Variants in TCF20 observed in about 807,000 individuals in gnomAD.
TCF20 encodes SPRE-binding protein.
Under a neutral mutation model 148.6 loss-of-function variants are expected in TCF20, and 3 were observed. The observed-to-expected ratio is 0.02, with a 90% CI of 0.01 to 0.05. The LOEUF is 0.05. Ranked by LOEUF, TCF20 falls within the 10% of genes least tolerant of loss-of-function variation. The probability of loss-of-function intolerance (pLI) is 1.00; values close to 1 mark genes in which losing one functional copy is unlikely to be tolerated. For missense variants in TCF20, 2,350 were observed against 2,429.3 expected (o/e 0.97, Z 0.69); for synonymous variants, 1,049 against 909.5 (o/e 1.15, Z -2.76).
At chr22:42,252,704 G>A (rs6002661) in intron 1 of TCF20, among the ~76,000 whole-genome samples, 526 of 152,158 alleles carry the variant, frequency 3.5e-3, no homozygotes, top group African/African-American at 0.012. Flanking sequence ...TGCTCACCTC[G>A]GCCTCCCAAA....
In TCF20 at chr22:42,165,557, T is replaced by C. The variant is rs1415181043; in HGVS notation, c.*44+3052A>G. On this transcript the variant is annotated intron_variant, in intron 5 of 5. Transcript: ENST00000677622. ...AACCACGGGCCTGCAGAAGGACTTTTCCCCTCCGCACTCCTGGCGAGGGTC... is the reference window on the plus strand; with the variant it reads ...AACCACGGGCCTGCAGAAGGACTTTCCCCCTCCGCACTCCTGGCGAGGGTC... 5.3e-5 allele frequency among the ~76,000 whole-genome samples: 8 copies of C among 152,306 alleles called. No homozygotes were observed. In the East Asian group the frequency reaches 5.8e-4, roughly 11 times the overall value.
chr22:42,215,849 CAAG>C (rs1171798735), intron 1 of TCF20, among the ~76,000 whole-genome samples: 1 of 151,952 alleles, frequency 6.6e-6, no homozygotes, highest in Admixed American at 6.6e-5. Context: ...AAGAGTGAGG[CAAG>C]AATCTGTAGT....
chr22:42,270,797 T>C (rs1277159699), upstream of TCF20, among the ~76,000 whole-genome samples: 4 of 144,932 alleles, frequency 2.8e-5, no homozygotes, highest in Non-Finnish European at 6.1e-5. Flanking sequence ...CCCACCCGCG[T>C]GCGGCGGCGT....
At chr22:42,323,925 T>TATGGTG (rs1295030765) in intron 1 of TCF20, among the ~76,000 whole-genome samples, 6 of 11,756 alleles carry the variant, frequency 5.1e-4, no homozygotes, top group Non-Finnish European at 9.1e-4. Flanking sequence ...TGATGGAGGT[T>TATGGTG]ATGGTGGTGG....
chr22:42,195,524 G>C (rs1018206674), intron 2 of TCF20, among the ~76,000 whole-genome samples: 1 of 146,918 alleles, frequency 6.8e-6, no homozygotes, highest in African/African-American at 2.5e-5. Context: ...TTTTGAGATG[G>C]AGTTTCGCTC....
intron 1 of TCF20, among the ~76,000 whole-genome samples, chr22:42,252,270 G>C (rs183940355): frequency 6.8e-6 from 1 of 146,726 alleles, no homozygotes. Context: ...GCGACAGAAC[G>C]AAAGTCCATC....
rs539061457 is a variant in TCF20 at position 42,199,765 on chromosome 22, G to C, written c.5655+9886C>G. Among the ~76,000 whole-genome samples the C allele has an allele frequency of 6.5e-5, 9 of 138,034 alleles. No individual in the cohort carries two copies. In the Admixed American group the frequency reaches 6.8e-4, roughly 10 times the overall value. The allele number at this position is 138,034 out of a possible 152,430, so 90.6% of individuals were successfully genotyped here. On this transcript the variant is annotated intron_variant, in intron 2 of 5. Coordinates refer to ENST00000677622, the MANE Select transcript of TCF20 (RefSeq NM_001378418.1). ...AGCCAGATGTGGTGACAGGAGAATCGCTTGAACCTGGGAGGCAGAGGTTGC... is the reference window on the plus strand; with the variant it reads ...AGCCAGATGTGGTGACAGGAGAATCCCTTGAACCTGGGAGGCAGAGGTTGC...
chr22:42,225,157 G>A (rs189227482), intron 1 of TCF20, among the ~76,000 whole-genome samples: 135 of 151,886 alleles, frequency 8.9e-4, no homozygotes, highest in African/African-American at 3.1e-3. Context: ...CACCACGTCC[G>A]GCTAATTTTT....
At chr22:42,197,183 A>G (rs568969828) in intron 2 of TCF20, among the ~76,000 whole-genome samples, 1 of 152,226 alleles carries the variant, frequency 6.6e-6, no homozygotes, top group South Asian at 2.1e-4. Context: ...AGCTCATAAT[A>G]TTTGCTTCCT....
Position 42,219,355 on chromosome 22 carries a change from C to CAAAAAAA in TCF20, c.-36-4021_-36-4015dup, listed in dbSNP as rs528664836. On this transcript the variant is annotated intron_variant, in intron 1 of 5. Transcript: ENST00000677622. ...ACCCTGGGTGACAGTAACCCTGTCTCAAAAAAAAAAAAAAAAAAAAAAAAA... is the reference window on the plus strand; with the variant it reads ...ACCCTGGGTGACAGTAACCCTGTCTCAAAAAAAAAAAAAAAAAAAAAAAAAAAAAAAA... Among the ~76,000 whole-genome samples, 54 of 43,560 alleles carry CAAAAAAA rather than the reference C, an allele frequency of 1.2e-3. 5 individuals carry two copies. Among genetic ancestry groups the CAAAAAAA allele is most frequent in the South Asian group, 2.0e-3 (2 of 978 alleles). 28.6% of individuals were successfully genotyped at this position (43,560 alleles called of 152,430 possible). A position where few individuals can be genotyped will look rare whatever the true frequency, so the allele number is the denominator to read the frequency against.
At chr22:42,248,556 G>A (rs1925107464) in intron 1 of TCF20, among the ~76,000 whole-genome samples, 1 of 152,116 alleles carries the variant, frequency 6.6e-6, no homozygotes, top group African/African-American at 2.4e-5. Context: ...AAATTATTTT[G>A]CTGCTATATC....
intron 1 of TCF20, among the ~76,000 whole-genome samples, chr22:42,261,200 T>C (rs1926011296): frequency 6.6e-6 from 1 of 152,246 alleles, no homozygotes; most frequent in Non-Finnish European, 1.5e-5. Flanking sequence ...GTTTGTGGTC[T>C]TCCATTGTAT....
chr22:42,164,960 G>A (rs1180375870), intron 5 of TCF20, among the ~76,000 whole-genome samples: 3 of 152,180 alleles, frequency 2.0e-5, no homozygotes, highest in Non-Finnish European at 4.4e-5. Flanking sequence ...GGAAGGCAAG[G>A]TGAGATGTCT....
chr22:42,167,569 C>CGCAGGGAGGGTGAAGGAGCA (rs1424668989), intron 5 of TCF20, among the ~76,000 whole-genome samples: 4 of 152,122 alleles, frequency 2.6e-5, no homozygotes, highest in South Asian at 2.1e-4. Context: ...GCCTCAGTGA[C>CGCAGGGAGGGTGAAGGAGCA]GCAGGGAGGG....
intron 2 of TCF20, among the ~76,000 whole-genome samples, chr22:42,209,228 C>A (rs145094967): frequency 1.3e-5 from 2 of 152,134 alleles, no homozygotes; most frequent in Non-Finnish European, 2.9e-5. Flanking sequence ...GGATGATGCA[C>A]GCCCTTAAAT....
At chr22:42,219,077 A>G (rs1922086372) in intron 1 of TCF20, among the ~76,000 whole-genome samples, 1 of 151,994 alleles carries the variant, frequency 6.6e-6, no homozygotes. Context: ...GAAAATGTAA[A>G]CCTGGAGCTA....
At chr22:42,341,744 G>A (rs1006136110) in intron 1 of TCF20, among the ~76,000 whole-genome samples, 1 of 139,794 alleles carries the variant, frequency 7.2e-6, no homozygotes, top group East Asian at 2.5e-4. Flanking sequence ...CACCAACCCG[G>A]GCCCCAGCTC....
In TCF20 at chr22:42,323,897, T is replaced by C. The variant is rs1168037876; in HGVS notation, c.-37+19582A>G. ...GTGGTGGTGGTGATGGAGGTTATGG[T>C]GGTGGAGGTGGTGGTGGTGATGGAG... On this transcript the variant is annotated intron_variant, in intron 1 of 1. Transcript: ENST00000515426. Among the ~76,000 whole-genome samples the C allele has an allele frequency of 5.4e-3, 398 of 73,956 alleles. 9 individuals are homozygous for C. The highest frequency in any genetic ancestry group is 0.012 in the African/African-American group (295 of 24,046). The allele number at this position is 73,956 out of a possible 152,430, so 48.5% of individuals were successfully genotyped here.
chr22:42,284,180 G>C (rs1048104168), upstream of TCF20, among the ~76,000 whole-genome samples: 8 of 152,126 alleles, frequency 5.3e-5, no homozygotes, highest in African/African-American at 1.9e-4. Context: ...CAACTGCGGA[G>C]AGCGCGTGCC....
Sources: gnomAD v4.1 joint callset for allele counts (sites outside exome capture counted in the v4.1 genomes callset) on GRCh38, gnomAD v4.1.1 for gene constraint, MANE v1.5 for transcripts, NCBI Gene and HGNC (gene_info 2026-07-23, HGNC 2026-07-21) for gene names.